DGKI: variants seen among roughly 807,000 people sequenced by gnomAD.
DGKI encodes the protein DAG kinase iota.
A neutral mutation model predicts 147.5 loss-of-function variants in DGKI; 55 were observed. The observed-to-expected ratio is 0.37, with a 90% CI of 0.30 to 0.47. The LOEUF (loss-of-function observed/expected upper bound fraction) is 0.47. Ranked by LOEUF, DGKI falls within the 20% of genes least tolerant of loss-of-function variation. The probability of loss-of-function intolerance (pLI) is 1.00; values close to 1 mark genes in which losing one functional copy is unlikely to be tolerated. For synonymous variants in DGKI, 469 were observed against 477.1 expected (o/e 0.98, Z 0.22); for missense variants, 1,007 against 1,323.8 (o/e 0.76, Z 3.71).
chr7:137,467,910 G>A (rs985377965), intron 24 of DGKI, among the ~76,000 whole-genome samples: 20 of 151,574 alleles, frequency 1.3e-4, no homozygotes, highest in African/African-American at 4.9e-4. Context: ...CCTGAGCCCA[G>A]GAGTTCAAGG....
At chr7:137,651,977 T>A (rs1822043398) in intron 5 of DGKI, among the ~76,000 whole-genome samples, 1 of 152,158 alleles carries the variant, frequency 6.6e-6, no homozygotes, top group Non-Finnish European at 1.5e-5. Flanking sequence ...AGAGTAGATA[T>A]CAGATCAGAA....
chr7:137,383,206 A>C lies in DGKI; in HGVS notation c.*8014T>G, dbSNP rs1307999984. 3 of 150,924 alleles carry C rather than the reference A, an allele frequency of 2.0e-5. No homozygotes were observed. Among genetic ancestry groups the C allele is most frequent in the Admixed American group, 6.6e-5 (1 of 15,134 alleles). 9.3% of individuals were successfully genotyped at this position (150,924 alleles called of 1,614,324 possible). A position where few individuals can be genotyped will look rare whatever the true frequency, so the allele number is the denominator to read the frequency against. On this transcript the variant is annotated 3_prime_UTR_variant, in exon 33 of 33. Coordinates refer to ENST00000614521, the MANE Select transcript of DGKI (RefSeq NM_001321708.2). Reference sequence around the variant, plus strand: ...ACATATCTTTTTTAGGAGATTTGGGAATTGGCTAACAATTGGCAAAATTGC... The same window carrying C: ...ACATATCTTTTTTAGGAGATTTGGGCATTGGCTAACAATTGGCAAAATTGC...
In DGKI at chr7:137,627,472, T is replaced by C. The variant is rs150083528; in HGVS notation, c.805-3918A>G. Among the ~76,000 whole-genome samples, 82 of 152,286 alleles carry C rather than the reference T, an allele frequency of 5.4e-4. 1 individual carries two copies. Among genetic ancestry groups the C allele is most frequent in the African/African-American group, 1.9e-3 (81 of 41,562 alleles). On this transcript the variant is annotated intron_variant, in intron 6 of 32. Transcript: ENST00000614521. ...TGCTGCTATTCTGTCATGATCTAATTACAAACTTCACGCTATCCAGACATT... is the reference window on the plus strand; with the variant it reads ...TGCTGCTATTCTGTCATGATCTAATCACAAACTTCACGCTATCCAGACATT...
chr7:137,416,060 C>A (rs1251411222), intron 28 of DGKI, among the ~76,000 whole-genome samples: 3 of 151,748 alleles, frequency 2.0e-5, no homozygotes, highest in African/African-American at 7.3e-5. Flanking sequence ...TGAAACATTT[C>A]TCAGAATTTA....
At position 137,846,161 on chromosome 7, in the gene DGKI, T is replaced by TCTCA. The variant is rs781580130; in HGVS notation, c.401+300_401+301insTGAG. Among the ~76,000 whole-genome samples the TCTCA allele has an allele frequency of 2.6e-3, 278 of 108,220 alleles. 1 individual carries two copies. Among genetic ancestry groups the TCTCA allele is most frequent in the South Asian group, 0.014 (42 of 3,064 alleles). 71.0% of individuals were successfully genotyped at this position (108,220 alleles called of 152,430 possible). On this transcript the variant is annotated intron_variant, in intron 1 of 32. Coordinates refer to ENST00000614521, the MANE Select transcript of DGKI (RefSeq NM_001321708.2). The surrounding 1 kb of genome is among the most constrained non-coding windows in gnomAD (Gnocchi z 4.0). ...CTCTCTCTCTCTCTCTCTCTCTCTC[T>TCTCA]CACACACACACACACACACACACAC...
chr7:137,623,797 C>T (rs1215691643), intron 6 of DGKI, among the ~76,000 whole-genome samples: 2 of 152,086 alleles, frequency 1.3e-5, no homozygotes, highest in Non-Finnish European at 1.5e-5. Flanking sequence ...TTTCCTAGAC[C>T]ACCTACTACT....
At chr7:137,735,428 C>G (rs973820780) in intron 1 of DGKI, among the ~76,000 whole-genome samples, 1 of 152,112 alleles carries the variant, frequency 6.6e-6, no homozygotes. Context: ...CAGGAATCAT[C>G]TGTCATATTT....
intron 20 of DGKI, among the ~76,000 whole-genome samples, chr7:137,528,101 T>A (rs976252792): frequency 6.6e-6 from 1 of 152,188 alleles, no homozygotes; most frequent in African/African-American, 2.4e-5. Flanking sequence ...CAACTGTACA[T>A]GGTTCTGATG....
chr7:137,818,222 C>T (rs973063688), intron 1 of DGKI, among the ~76,000 whole-genome samples: 6 of 152,196 alleles, frequency 3.9e-5, no homozygotes, highest in African/African-American at 1.4e-4. Flanking sequence ...CCAAACTGCT[C>T]ATCATGTGAT....
intron 8 of DGKI, among the ~76,000 whole-genome samples, chr7:137,618,151 A>ATATATATATATATATATAT: frequency 9.6e-5 from 1 of 10,466 alleles, no homozygotes; most frequent in African/African-American, 1.2e-4. Context: ...ATATATATAT[A>ATATATATATATATATATAT]TTTTTTTTTT....
intron 30 of DGKI, among the ~76,000 whole-genome samples, chr7:137,398,587 G>A (rs1195806249): frequency 1.3e-5 from 2 of 152,106 alleles, no homozygotes; most frequent in Admixed American, 6.5e-5. Flanking sequence ...AACTTATTGT[G>A]CATAGTAAGA....
At chr7:137,696,095 A>T (rs1241633415) in intron 1 of DGKI, among the ~76,000 whole-genome samples, 3 of 152,170 alleles carry the variant, frequency 2.0e-5, no homozygotes, top group Non-Finnish European at 4.4e-5. Flanking sequence ...ATCTCTGAAT[A>T]AATATGTGCT....
chr7:137,684,525 C>T (rs1164590250), intron 2 of DGKI, among the ~76,000 whole-genome samples: 3 of 152,068 alleles, frequency 2.0e-5, no homozygotes, highest in African/African-American at 4.8e-5. Flanking sequence ...AAGATTAGAC[C>T]GAGACACTTC....
intron 1 of DGKI, among the ~76,000 whole-genome samples, chr7:137,708,946 A>T (rs1794129583): frequency 6.6e-6 from 1 of 152,206 alleles, no homozygotes; most frequent in South Asian, 2.1e-4. Flanking sequence ...AAGGTTTTGA[A>T]AAAGGCATCT....
intron 1 of DGKI, among the ~76,000 whole-genome samples, chr7:137,772,865 G>A (rs1796249047): frequency 6.6e-6 from 1 of 152,174 alleles, no homozygotes; most frequent in African/African-American, 2.4e-5. Flanking sequence ...GATGATGAAG[G>A]CATAAGTCAG....
At chr7:137,627,641 A>T (rs1820990420) in intron 6 of DGKI, among the ~76,000 whole-genome samples, 1 of 152,230 alleles carries the variant, frequency 6.6e-6, no homozygotes, top group South Asian at 2.1e-4. Context: ...CATGGATAAA[A>T]ATCAATACAG....
chr7:137,579,912 A>G (rs1487651667), intron 15 of DGKI, among the ~76,000 whole-genome samples: 2 of 152,288 alleles, frequency 1.3e-5, no homozygotes, highest in African/African-American at 4.8e-5. Flanking sequence ...CTACAGCTTA[A>G]AATAAAAGAG....
intron 1 of DGKI, among the ~76,000 whole-genome samples, chr7:137,822,289 C>G (rs1251249539): frequency 6.6e-6 from 1 of 152,102 alleles, no homozygotes; most frequent in Non-Finnish European, 1.5e-5. Flanking sequence ...TGCCTGTAAT[C>G]CCAGCTACTC....
rs1811051950 is a variant in DGKI, at chr7:137,381,244, T to C, written c.*9976A>G. On this transcript the variant is annotated 3_prime_UTR_variant, in exon 33 of 33. Transcript: ENST00000614521. ...GCAAGAAAATTAGGGAAAAATACTT[T>C]ATGACTTTGTTACAAAAAACTTCAT... The C allele has an allele frequency of 6.6e-6, 1 of 151,540 alleles. No individual in the cohort carries two copies. The highest frequency in any genetic ancestry group is 1.5e-5 in the Non-Finnish European group (1 of 67,896). 9.4% of individuals were successfully genotyped at this position (151,540 alleles called of 1,614,324 possible). A position where few individuals can be genotyped will look rare whatever the true frequency, so the allele number is the denominator to read the frequency against.
Sources: allele counts gnomAD v4.1 joint callset (sites outside exome capture counted in the v4.1 genomes callset), GRCh38; gene constraint gnomAD v4.1.1; non-coding constraint Gnocchi (gnomAD v3.1); transcripts MANE v1.5; gene names NCBI Gene and HGNC (gene_info 2026-07-23, HGNC 2026-07-21).